MAGI1: variants seen among roughly 807,000 people sequenced by gnomAD.
The protein encoded by MAGI1 is membrane-associated guanylate kinase, WW and PDZ domain-containing protein 1.
MAGI1 carries 58 observed loss-of-function variants against 139.9 expected under a neutral mutation model. That is an observed-to-expected ratio of 0.41 (90% confidence interval 0.34 to 0.52). MAGI1 has a LOEUF of 0.52. MAGI1 is among the 20% of genes least tolerant of loss of function. The pLI is 0.12. For synonymous variants in MAGI1, 812 were observed against 737.9 expected, an observed-to-expected ratio of 1.10 and a Z score of -1.63; for missense variants, 1,874 against 1,901.6, an observed-to-expected ratio of 0.99 and a Z score of 0.27.
intron 2 of MAGI1, among the ~76,000 whole-genome samples, chr3:65,498,496 C>T (rs2076961496): frequency 6.6e-6 from 1 of 152,166 alleles, no homozygotes; most frequent in Non-Finnish European, 1.5e-5. Context: ...CAGATGTTCA[C>T]TTATGTCCCA....
Position 65,356,457 on chromosome 3 carries a change from T to A in MAGI1, c.4310A>T (p.Asp1437Val). Residue 1437 changes from aspartate to valine, a missense_variant, in exon 23 of 23, where the codon GAT (aspartate) becomes GTT (valine). Physicochemically the swap from Asp to Val is radical, Grantham distance 152. This residue lies in a region of MAGI1 where 653 missense variants were observed against 644.5 expected (regional missense o/e 1.01). Coordinates refer to ENST00000402939, the MANE Select transcript of MAGI1 (RefSeq NM_001033057.2). ...REREEANLKQ[D>V]AGRSSRHPPE... ...GGGATGTCTGGAACTTCTGCCGGCA[T>A]CCTGTTTCAGATTCGCCTCTTCCCT... 1 of 1,612,018 alleles carries A rather than the reference T, an allele frequency of 6.2e-7. No individual in the cohort carries two copies. Among genetic ancestry groups the A allele is most frequent in the South Asian group, 1.1e-5 (1 of 91,040 alleles).
Position 65,478,790 on chromosome 3 carries a change from A to T in MAGI1, c.559T>A (p.Tyr187Asn). 1 of 1,612,956 alleles carries T rather than the reference A, an allele frequency of 6.2e-7. No individual in the cohort carries two copies. Among genetic ancestry groups the T allele is most frequent in the Non-Finnish European group, 8.5e-7 (1 of 1,179,078 alleles). Residue 187 changes from tyrosine to asparagine, a missense_variant, in exon 4 of 23, where the codon TAT becomes AAT. This residue lies in a region of MAGI1 where 648 missense variants were observed against 598.1 expected (regional missense o/e 1.08). Transcript: ENST00000402939. ...LEVGTYEGNY[Y>N]GTPKPPSQPV... ...TGGCTAGGAGGCTTGGGTGTCCCAT[A>T]ATAGTTTCCTAGGTGATGGAGAGAC...
intron 1 of MAGI1, among the ~76,000 whole-genome samples, chr3:65,865,539 G>C (rs1242537979): frequency 6.6e-6 from 1 of 152,096 alleles, no homozygotes; most frequent in Non-Finnish European, 1.5e-5. Flanking sequence ...AGGTTGCACT[G>C]AGCCAAGATC....
intron 12 of MAGI1, among the ~76,000 whole-genome samples, chr3:65,427,460 A>C (rs1283567864): frequency 6.6e-6 from 1 of 152,206 alleles, no homozygotes; most frequent in Non-Finnish European, 1.5e-5. Flanking sequence ...TTAGAAGTGA[A>C]TCTAATGGGA....
intron 12 of MAGI1, among the ~76,000 whole-genome samples, chr3:65,413,467 G>GT: frequency 6.6e-6 from 1 of 152,126 alleles, no homozygotes; most frequent in Non-Finnish European, 1.5e-5. Context: ...GAGGGGTCAG[G>GT]TTTTCCAAAG....
At chr3:65,873,514 T>A (rs2060008542) in intron 1 of MAGI1, 1 of 152,220 alleles carries the variant, frequency 6.6e-6, no homozygotes, top group South Asian at 2.1e-4. Flanking sequence ...TTCATGCCTC[T>A]AAGATGTTTA....
chr3:65,815,320 T>A (rs1419197943), intron 1 of MAGI1, among the ~76,000 whole-genome samples: 3 of 152,214 alleles, frequency 2.0e-5, no homozygotes, highest in Non-Finnish European at 4.4e-5. Flanking sequence ...CTTAGCTGTT[T>A]CTCAAGAGAA....
intron 1 of MAGI1, among the ~76,000 whole-genome samples, chr3:65,654,210 G>A (rs1020049987): frequency 6.6e-6 from 1 of 152,150 alleles, no homozygotes; most frequent in African/African-American, 2.4e-5. Flanking sequence ...CACCTGCCCT[G>A]ATTCTTCTCA....
At chr3:65,375,025 T>C (rs1481304568) in intron 18 of MAGI1, among the ~76,000 whole-genome samples, 1 of 152,194 alleles carries the variant, frequency 6.6e-6, no homozygotes, top group Non-Finnish European at 1.5e-5. Context: ...GTACTGGCTC[T>C]GAATTGCCAC....
intron 1 of MAGI1, among the ~76,000 whole-genome samples, chr3:65,719,761 G>A (rs769770340): frequency 6.6e-6 from 1 of 151,956 alleles, no homozygotes; most frequent in Non-Finnish European, 1.5e-5. Context: ...TGGCCAGGCT[G>A]GTCTCAAACT....
At position 65,855,502 on chromosome 3, in the gene MAGI1, G is replaced by A. The variant is rs575959244; in HGVS notation, c.313+182494C>T. 3.4e-5 allele frequency among the ~76,000 whole-genome samples: 5 copies of A among 145,004 alleles called. No individual in the cohort carries two copies. The South Asian group carries it at 1.2e-3, about 34-fold the overall frequency. On this transcript the variant is annotated intron_variant, in intron 1 of 22. Coordinates refer to ENST00000402939, the MANE Select transcript of MAGI1 (RefSeq NM_001033057.2). ...CAGTAATCCTAACTACTCAGAGACT[G>A]AGGCAGGGGGGATCACTTAAGCCCC... is the stretch of plus-strand genomic sequence containing the variant.
chr3:65,545,003 A>G lies in MAGI1; in HGVS notation c.431-51372T>C, dbSNP rs139267603. ...TCTCATCTAGTGCAGGAGGATCTAT[A>G]TCTTTGGAAAGGGGCGGGCTGCAAC... On this transcript the variant is annotated intron_variant, in intron 2 of 22. Transcript: ENST00000402939. Among the ~76,000 whole-genome samples, 3 of 152,310 alleles carry G rather than the reference A, an allele frequency of 2.0e-5. No individual in the cohort carries two copies. In the East Asian group the frequency reaches 5.8e-4, roughly 29 times the overall value.
chr3:65,958,753 A>C (rs2107052977), intron 1 of MAGI1, among the ~76,000 whole-genome samples: 1 of 152,268 alleles, frequency 6.6e-6, no homozygotes, highest in African/African-American at 2.4e-5. Context: ...TTGGGAGGTC[A>C]AAGCAGGAGG....
chr3:65,372,005 T>A (rs1372873769), intron 18 of MAGI1: 1 of 321,034 alleles, frequency 3.1e-6, no homozygotes, highest in Non-Finnish European at 6.2e-6. Context: ...TTCTAAAATC[T>A]TGTTAAGGTC....
intron 1 of MAGI1, among the ~76,000 whole-genome samples, chr3:66,006,203 C>A (rs2067003990): frequency 6.6e-6 from 1 of 152,158 alleles, no homozygotes; most frequent in East Asian, 1.9e-4. Flanking sequence ...AACCAGCAAC[C>A]AGTATGGAAG....
chr3:65,813,641 T>C (rs924370545), intron 1 of MAGI1, among the ~76,000 whole-genome samples: 1 of 152,210 alleles, frequency 6.6e-6, no homozygotes, highest in Non-Finnish European at 1.5e-5. Context: ...TTAACATATG[T>C]ATCATCTTTG....
chr3:65,770,174 A>G (rs915130694), intron 1 of MAGI1, among the ~76,000 whole-genome samples: 6 of 152,320 alleles, frequency 3.9e-5, no homozygotes, highest in Admixed American at 3.9e-4. Context: ...CTGCCTGCGG[A>G]AATACAACCA....
At chr3:66,016,572 G>A (rs957324850) in intron 1 of MAGI1, among the ~76,000 whole-genome samples, 14 of 152,164 alleles carry the variant, frequency 9.2e-5, no homozygotes, top group East Asian at 3.9e-4. Context: ...CCCCAGCACC[G>A]GAGCTGGAGA....
chr3:65,552,257 G>GC (rs1553666629), intron 2 of MAGI1, among the ~76,000 whole-genome samples: 27 of 116,390 alleles, frequency 2.3e-4, no homozygotes, highest in Non-Finnish European at 4.0e-4. Flanking sequence ...AGTGTGTATA[G>GC]GGGTGTGTGT....
Sources: gnomAD v4.1 joint callset for allele counts (sites outside exome capture counted in the v4.1 genomes callset) on GRCh38, gnomAD v4.1.1 for gene constraint, gnomAD v4.1.1 regional missense constraint, MANE v1.5 for transcripts, NCBI Gene and HGNC (gene_info 2026-07-23, HGNC 2026-07-21) for gene names.